Variants in NRG1 observed in about 807,000 individuals in gnomAD.
NRG1 encodes the protein pro-neuregulin-1, membrane-bound isoform.
In NRG1, 18 loss-of-function variants were observed where a neutral mutation model predicts 63.8. The ratio of observed to expected loss-of-function variants is 0.28; its 90% CI spans 0.19 to 0.42. The LOEUF (loss-of-function observed/expected upper bound fraction) is 0.42, where lower values mean the gene tolerates loss of function less well. NRG1 is among the 10% of genes least tolerant of loss of function. NRG1 has a pLI of 1.00. For synonymous variants in NRG1, 302 were observed against 301.3 expected, an observed-to-expected ratio of 1.00 and a Z score of -0.02; for missense variants, 762 against 814.7, an observed-to-expected ratio of 0.94 and a Z score of 0.79.
intron 1 of NRG1, among the ~76,000 whole-genome samples, chr8:32,509,124 A>T (rs1179688163): frequency 6.9e-6 from 1 of 145,980 alleles, no homozygotes; most frequent in East Asian, 2.0e-4. Flanking sequence ...ATTTTTTGCG[A>T]CAGGGTCTGG....
chr8:31,748,386 G>A (rs1049509138), intron 1 of NRG1, among the ~76,000 whole-genome samples: 1 of 151,906 alleles, frequency 6.6e-6, no homozygotes, highest in African/African-American at 2.4e-5. Flanking sequence ...AAGAAGTTAA[G>A]TATTTTGCTT....
chr8:31,844,736 C>G (rs2129608208), intron 1 of NRG1, among the ~76,000 whole-genome samples: 2 of 152,022 alleles, frequency 1.3e-5, no homozygotes, highest in South Asian at 4.2e-4. Flanking sequence ...TAAGTGATGT[C>G]ATATTTTTAA....
chr8:32,723,865 A>G (rs1821368464), intron 5 of NRG1, among the ~76,000 whole-genome samples: 2 of 152,084 alleles, frequency 1.3e-5, no homozygotes, highest in Admixed American at 6.6e-5. Context: ...TTTGTGTGGT[A>G]AAGGATTTTT....
At chr8:32,160,727 T>C (rs1838732201) in intron 1 of NRG1, among the ~76,000 whole-genome samples, 1 of 152,326 alleles carries the variant, frequency 6.6e-6, no homozygotes. Context: ...AGCTTTTAAT[T>C]GTAATTTAAT....
At chr8:32,677,766 A>C (rs1807532257) in intron 5 of NRG1, among the ~76,000 whole-genome samples, 1 of 152,228 alleles carries the variant, frequency 6.6e-6, no homozygotes, top group Admixed American at 6.5e-5. Context: ...CTTGCCTAGC[A>C]GGCCATTCAG....
intron 1 of NRG1, among the ~76,000 whole-genome samples, chr8:32,579,723 A>G (rs767211704): frequency 3.9e-5 from 6 of 152,188 alleles, no homozygotes; most frequent in African/African-American, 7.2e-5. Flanking sequence ...GAACTGTATT[A>G]GTTTTCTATT....
intron 11 of NRG1, chr8:32,763,317 C>G (rs140316057): frequency 1.3e-5 from 21 of 1,613,870 alleles, no homozygotes; most frequent in Non-Finnish European, 1.6e-5. Context: ...CTTCCATTCC[C>G]CATTTGGGCT....
At chr8:32,346,295 G>A (rs1385644735) in intron 1 of NRG1, among the ~76,000 whole-genome samples, 1 of 149,516 alleles carries the variant, frequency 6.7e-6, no homozygotes, top group Non-Finnish European at 1.5e-5. Context: ...TATATAAATT[G>A]TAGATACATA....
intron 1 of NRG1, among the ~76,000 whole-genome samples, chr8:32,047,536 A>G (rs1821203578): frequency 6.6e-6 from 1 of 152,024 alleles, no homozygotes; most frequent in Admixed American, 6.6e-5. Context: ...CTGTATGGAA[A>G]AATTTCCTAT....
intron 1 of NRG1, among the ~76,000 whole-genome samples, chr8:32,276,610 A>C (rs79701316): frequency 0.018 from 2,720 of 152,132 alleles, 82 homozygotes; most frequent in African/African-American, 0.062. Flanking sequence ...GGCACAAATG[A>C]CCTTCTGCCT....
intron 1 of NRG1, among the ~76,000 whole-genome samples, chr8:31,825,553 T>A (rs749494808): frequency 6.6e-6 from 1 of 152,170 alleles, no homozygotes; most frequent in East Asian, 1.9e-4. Flanking sequence ...AGGTCAGGAC[T>A]ATTGTTTTCT....
intron 1 of NRG1, among the ~76,000 whole-genome samples, chr8:31,715,764 A>G (rs1435485570): frequency 6.6e-6 from 1 of 152,194 alleles, no homozygotes; most frequent in Non-Finnish European, 1.5e-5. Context: ...CCGTAACAGG[A>G]TAAGTTATTC....
intron 1 of NRG1, among the ~76,000 whole-genome samples, chr8:32,193,687 C>T (rs1048496782): frequency 6.6e-6 from 1 of 151,998 alleles, no homozygotes; most frequent in African/African-American, 2.4e-5. Context: ...AGAATCCCAG[C>T]CCCCGGTAAC....
At chr8:32,762,702 T>G (rs1203792063) in intron 11 of NRG1, among the ~76,000 whole-genome samples, 1 of 152,198 alleles carries the variant, frequency 6.6e-6, no homozygotes, top group African/African-American at 2.4e-5. Flanking sequence ...ACTCTGTGAA[T>G]GCCAGTGTGA....
intron 2 of NRG1, among the ~76,000 whole-genome samples, chr8:32,597,793 T>C (rs889486744): frequency 1.3e-5 from 2 of 152,102 alleles, no homozygotes; most frequent in African/African-American, 2.4e-5. Context: ...TAATTAATGG[T>C]TCAAGTTAGA....
At chr8:32,653,564 T>TTC (rs1563865232) in intron 5 of NRG1, among the ~76,000 whole-genome samples, 1 of 152,176 alleles carries the variant, frequency 6.6e-6, no homozygotes, top group African/African-American at 2.4e-5. Context: ...TGAGAAAAAT[T>TTC]TGATCTGTCT....
At chr8:32,030,977 C>T (rs536868122) in intron 1 of NRG1, among the ~76,000 whole-genome samples, 31 of 152,248 alleles carry the variant, frequency 2.0e-4, no homozygotes, top group Non-Finnish European at 3.7e-4. Flanking sequence ...CTGGTAGGAT[C>T]AGTTATTTTG....
intron 1 of NRG1, among the ~76,000 whole-genome samples, chr8:31,828,564 C>T (rs1824800973): frequency 6.6e-6 from 1 of 152,168 alleles, no homozygotes; most frequent in African/African-American, 2.4e-5. Flanking sequence ...GTAAACACCA[C>T]CCGCGCTCTG....
chr8:32,157,048 T>TTGTG (rs1238634569), intron 1 of NRG1, among the ~76,000 whole-genome samples: 18 of 97,720 alleles, frequency 1.8e-4, no homozygotes, highest in African/African-American at 7.3e-4. Context: ...AAATTAAAAC[T>TTGTG]CGTGTGTGTG....
Sources: allele counts gnomAD v4.1 joint callset (sites outside exome capture counted in the v4.1 genomes callset), GRCh38; gene constraint gnomAD v4.1.1; transcripts MANE v1.5; gene names NCBI Gene and HGNC (gene_info 2026-07-23, HGNC 2026-07-21).